The following RBBP8NL variants were observed in gnomAD, a reference collection of about 807,000 sequenced individuals.
The protein encoded by RBBP8NL is RBBP8 N-terminal like.
A neutral mutation model predicts 62.2 loss-of-function variants in RBBP8NL; 59 were observed. The observed-to-expected ratio is 0.95, with a 90% CI of 0.77 to 1.18. RBBP8NL has a LOEUF of 1.18. Among genes scored for constraint, RBBP8NL ranks in the 50% most tolerant of loss-of-function variants. RBBP8NL has a pLI of 0.00. For missense variants in RBBP8NL, 896 were observed against 899.5 expected, an observed-to-expected ratio of 1.00 and a Z score of 0.05; for synonymous variants, 412 against 394.1, an observed-to-expected ratio of 1.05 and a Z score of -0.54.
At chr20:62,425,796 G>A (rs964470108) in intron 1 of RBBP8NL, among the ~76,000 whole-genome samples, 1 of 152,254 alleles carries the variant, frequency 6.6e-6, no homozygotes, top group Non-Finnish European at 1.5e-5. Context: ...GGTACCCTCC[G>A]TCTCTGAGGC....
At chr20:62,420,876 C>T (rs1421735169) in intron 1 of RBBP8NL, among the ~76,000 whole-genome samples, 2 of 152,270 alleles carry the variant, frequency 1.3e-5, no homozygotes, top group Non-Finnish European at 2.9e-5. Context: ...GGACTAAGGC[C>T]AGAATTAAGG....
Position 62,415,300 on chromosome 20 carries a change from G to C in RBBP8NL, c.628-13C>G, listed in dbSNP as rs1254095740. The C allele has an allele frequency of 6.4e-7, 1 of 1,565,876 alleles. No individual in the cohort carries two copies. Among genetic ancestry groups the C allele is most frequent in the South Asian group, 1.2e-5 (1 of 86,462 alleles). On this transcript the variant is annotated splice_polypyrimidine_tract_variant and intron_variant, in intron 8 of 13. Coordinates refer to ENST00000252998, the MANE Select transcript of RBBP8NL (RefSeq NM_080833.3). ...TGCGCTGGGGGCTCTGTGAGGATGG[G>C]TGGGTCAGCCTGGGCGGGGGCATGC... is the stretch of plus-strand genomic sequence containing the variant.
In RBBP8NL at chr20:62,415,549, C is replaced by T. The variant is rs759568477; in HGVS notation, c.627+29G>A. On this transcript the variant is annotated intron_variant, in intron 8 of 13. Transcript: ENST00000252998. Reference sequence around the variant, plus strand: ...TCCTGCCTGCGCCGGCCCAGCTGCACATGGTGGGCTCCCGGTCCCTGCCCT... The same window carrying T: ...TCCTGCCTGCGCCGGCCCAGCTGCATATGGTGGGCTCCCGGTCCCTGCCCT... The T allele has an allele frequency of 9.3e-6, 15 of 1,609,266 alleles. No homozygotes were observed. The African/African-American group carries it at 9.4e-5, about 10-fold the overall frequency.
Position 62,414,203 on chromosome 20 carries a change from T to C in RBBP8NL, c.1148A>G (p.Glu383Gly). The change falls in exon 10 of 14, where the codon GAG (glutamate) becomes GGG (glycine). Residue 383 changes from glutamate to glycine, a missense_variant. Glu to Gly is a moderately conservative substitution (Grantham distance 98). Transcript: ENST00000252998. ...GCCGACTGGTAGGGAGGGCAGCATCTCCCCGGGTGTGGGCTGGCCCCTTGG... is the reference window on the plus strand; with the variant it reads ...GCCGACTGGTAGGGAGGGCAGCATCCCCCCGGGTGTGGGCTGGCCCCTTGG... ...VRPRGQPTPG[E>G]MLPSLPVGSD... The C allele has an allele frequency of 6.2e-7, 1 of 1,608,332 alleles. No homozygotes were observed. The highest frequency in any genetic ancestry group is 8.5e-7 in the Non-Finnish European group (1 of 1,178,712).
intron 2 of RBBP8NL, 76 bp from the exon 3 acceptor site, chr20:62,418,541 G>T: frequency 7.2e-7 from 1 of 1,387,742 alleles, no homozygotes; most frequent in Non-Finnish European, 1.0e-6. Flanking sequence ...CACGGGGTCT[G>T]GGCAGAGCTG....
chr20:62,415,459 G>A, intron 8 of RBBP8NL, 119 bp downstream of exon 8: 2 of 1,387,758 alleles, frequency 1.4e-6, no homozygotes, highest in Non-Finnish European at 2.0e-6. Flanking sequence ...CGGGACAAAG[G>A]AGGGGCACAT....
rs912046046 is a variant in RBBP8NL at position 62,413,285 on chromosome 20, G to A, written c.1675+116C>T. ...GAGCCTGGGGTTGCCCCGTCAGATC[G>A]GCAGGGCAGAGCTGGGCCTGGAGAC... On this transcript the variant is annotated intron_variant, in intron 11 of 13. Transcript: ENST00000252998. The A allele has an allele frequency of 1.5e-4, 197 of 1,273,748 alleles. 2 individuals carry two copies. Among genetic ancestry groups the A allele is most frequent in the South Asian group, 9.4e-4 (51 of 54,200 alleles). 78.9% of individuals were successfully genotyped at this position (1,273,748 alleles called of 1,614,324 possible).
intron 1 of RBBP8NL, among the ~76,000 whole-genome samples, chr20:62,424,185 G>A (rs1405007243): frequency 6.6e-6 from 1 of 152,024 alleles, no homozygotes; most frequent in Non-Finnish European, 1.5e-5. Context: ...CTCCCACTCG[G>A]GAGTCCAGGC....
In RBBP8NL at chr20:62,414,515, G is replaced by A. The variant is rs918481646; in HGVS notation, c.836C>T (p.Ala279Val). ...ASRPSAMTHEAPKLSPKVDRL... is the reference protein window; with the variant it reads ...ASRPSAMTHEVPKLSPKVDRL... The stretch of plus-strand genomic sequence containing the variant: ...GTCCACCTTCGGGGAGAGCTTCGGG[G>A]CCTCATGGGTCATGGCGGAGGGCCG... Residue 279 changes from alanine to valine, a missense_variant, in exon 10 of 14, where the codon GCC becomes GTC. Transcript: ENST00000252998. 1.0e-5 allele frequency: 15 copies of A among 1,446,402 alleles called. No homozygotes were observed. Among genetic ancestry groups the A allele is most frequent in the Non-Finnish European group, 1.1e-5 (12 of 1,095,550 alleles). 89.6% of individuals were successfully genotyped at this position (1,446,402 alleles called of 1,614,324 possible). A position where few individuals can be genotyped will look rare whatever the true frequency, so the allele number is the denominator to read the frequency against.
chr20:62,413,943 C>T lies in RBBP8NL; in HGVS notation c.1408G>A (p.Ala470Thr). Residue 470 changes from alanine (A) to threonine (T), a missense_variant, in exon 10 of 14, where the codon GCC (alanine) becomes ACC (threonine). Coordinates refer to ENST00000252998, the MANE Select transcript of RBBP8NL (RefSeq NM_080833.3). ...GGTGGCTCGGGGCTGGCAGTGTGGGCAGCGGCAGGGCTGAGTGACCCATGC... is the reference window on the plus strand; with the variant it reads ...GGTGGCTCGGGGCTGGCAGTGTGGGTAGCGGCAGGGCTGAGTGACCCATGC... ...GQHGSLSPAAAHTASPEPPTQ... is the reference protein window; with the variant it reads ...GQHGSLSPAATHTASPEPPTQ... The T allele has an allele frequency of 6.3e-7, 1 of 1,586,318 alleles. No individual in the cohort carries two copies. Among genetic ancestry groups the T allele is most frequent in the Non-Finnish European group, 8.6e-7 (1 of 1,167,382 alleles).
At chr20:62,418,519 C>T (rs1988631359) in intron 2 of RBBP8NL, 54 bp from the exon 3 acceptor site, 1 of 1,490,378 alleles carries the variant, frequency 6.7e-7, no homozygotes, top group South Asian at 1.2e-5. Context: ...GCTTCACCTT[C>T]AGTGTCCCCA....
intron 5 of RBBP8NL, among the ~76,000 whole-genome samples, chr20:62,416,477 G>A (rs1311472476): frequency 1.3e-5 from 2 of 152,220 alleles, no homozygotes; most frequent in African/African-American, 4.8e-5. Context: ...GGCCACTGGG[G>A]CCTCAGCACT....
chr20:62,422,319 A>G (rs567007695), intron 1 of RBBP8NL, among the ~76,000 whole-genome samples: 1 of 151,824 alleles, frequency 6.6e-6, no homozygotes, highest in Non-Finnish European at 1.5e-5. Context: ...ACCCCATCCC[A>G]TGACGGGTGG....
chr20:62,414,006 G>C lies in RBBP8NL; in HGVS notation c.1345C>G (p.Arg449Gly), dbSNP rs780896548. 1.9e-6 allele frequency: 3 copies of C among 1,575,860 alleles called. No homozygotes were observed. The African/African-American group carries it at 4.1e-5, about 21-fold the overall frequency. ...TTGGGAGTGTCCTGGCCCCGGGCCCGGCCCCACTCCGAGAGGTCCAGGGGC... is the reference window on the plus strand; with the variant it reads ...TTGGGAGTGTCCTGGCCCCGGGCCCCGCCCCACTCCGAGAGGTCCAGGGGC... ...DKPLDLSEWG[R>G]ARGQDTPKPA... Residue 449 changes from arginine to glycine, a missense_variant, in exon 10 of 14, where the codon CGG becomes GGG. Physicochemically the swap from Arg to Gly is moderately radical, Grantham distance 125. Coordinates refer to ENST00000252998, the MANE Select transcript of RBBP8NL (RefSeq NM_080833.3).
chr20:62,414,999 A>C, intron 9 of RBBP8NL, 122 bp downstream of exon 9: 1 of 1,158,042 alleles, frequency 8.6e-7, no homozygotes, highest in South Asian at 1.8e-5. Flanking sequence ...GGGTGCCCAG[A>C]AAAAGCCAAG....
intron 1 of RBBP8NL, among the ~76,000 whole-genome samples, chr20:62,421,362 ATG>A (rs1186619650): frequency 3.2e-4 from 44 of 139,662 alleles, no homozygotes; most frequent in Admixed American, 1.1e-3. Context: ...GCCAGTGTGC[ATG>A]TGTGTGTGCC....
In RBBP8NL at chr20:62,417,466, C is replaced by CG. The variant is rs1367847408; in HGVS notation, c.105-148_105-147insC. ...CCTAACCCGGTGCCCCCCTCCCAGT[C>CG]ATCTGCACGCTCCTCTGTGACGTCT... On this transcript the variant is annotated intron_variant, in intron 3 of 13. Coordinates refer to ENST00000252998, the MANE Select transcript of RBBP8NL (RefSeq NM_080833.3). 399 of 603,530 alleles carry CG rather than the reference C, an allele frequency of 6.6e-4. 4 individuals carry two copies. In the African/African-American group the frequency reaches 9.6e-3, roughly 14 times the overall value. The allele number at this position is 603,530 out of a possible 1,614,324, so 37.4% of individuals were successfully genotyped here. A position where few individuals can be genotyped will look rare whatever the true frequency, so the allele number is the denominator to read the frequency against.
chr20:62,417,763 ACACACCACCCCCC>A (rs1988609342), intron 3 of RBBP8NL, among the ~76,000 whole-genome samples: 1 of 75,728 alleles, frequency 1.3e-5, no homozygotes, highest in Admixed American at 1.7e-4. Context: ...TGTCCTGTCC[ACACACCACCCCCC>A]CGGTCATCTG....
chr20:62,415,638 T>C lies in RBBP8NL; in HGVS notation c.567A>G (p.Thr189=). Residue 189 remains threonine (T), a synonymous_variant, in exon 8 of 14, where the codon ACA becomes ACG. Transcript: ENST00000252998. ...CTGGGGAGATTTTGGCCACTGGAGA[T>C]GTCCTGTGCCCTGCTGGCTTTTCTG... is the stretch of plus-strand genomic sequence containing the variant. ...RGEEKPAGHR[T]SPVAKISPGA... The C allele has an allele frequency of 6.2e-7, 1 of 1,612,964 alleles. No individual in the cohort carries two copies. The highest frequency in any genetic ancestry group is 8.5e-7 in the Non-Finnish European group (1 of 1,179,900).
Sources: gnomAD v4.1 joint callset for allele counts (sites outside exome capture counted in the v4.1 genomes callset) on GRCh38, gnomAD v4.1.1 for gene constraint, MANE v1.5 for transcripts, NCBI Gene and HGNC (gene_info 2026-07-23, HGNC 2026-07-21) for gene names.